Variants in AEBP2 observed in about 807,000 individuals in gnomAD.
The protein encoded by AEBP2 is zinc finger protein AEBP2.
In AEBP2, 10 loss-of-function variants were observed where a neutral mutation model predicts 50.8. The observed-to-expected ratio is 0.20, with a 90% confidence interval of 0.12 to 0.33. The LOEUF (loss-of-function observed/expected upper bound fraction) is 0.33, where lower values mean the gene tolerates loss of function less well. Among genes scored for constraint, AEBP2 ranks in the 10% least tolerant of loss-of-function variants. AEBP2 has a pLI of 1.00. For synonymous variants in AEBP2, 296 were observed against 261.3 expected (o/e 1.13, Z -1.28); for missense variants, 570 against 688.0 (o/e 0.83, Z 1.92).
intron 2 of AEBP2, among the ~76,000 whole-genome samples, chr12:19,467,585 T>A (rs1948500396): frequency 6.6e-6 from 1 of 152,148 alleles, no homozygotes; most frequent in South Asian, 2.1e-4. Flanking sequence ...TGAGCCACCG[T>A]GCCCGGCCTA....
chr12:19,441,070 CAG>C (rs1187128860), intron 1 of AEBP2, among the ~76,000 whole-genome samples: 3 of 152,078 alleles, frequency 2.0e-5, no homozygotes, highest in Non-Finnish European at 2.9e-5. Context: ...TTTGCGGAAT[CAG>C]AGAGTTGGAA....
intron 1 of AEBP2, among the ~76,000 whole-genome samples, chr12:19,405,889 C>T (rs534862985): frequency 6.6e-6 from 1 of 151,980 alleles, no homozygotes; most frequent in Non-Finnish European, 1.5e-5. Context: ...GCAACCTCCA[C>T]CTCCCGAGTT....
upstream of AEBP2, among the ~76,000 whole-genome samples, chr12:19,437,373 T>G (rs1947871792): frequency 6.6e-6 from 1 of 152,180 alleles, no homozygotes; most frequent in Admixed American, 6.6e-5. Flanking sequence ...ACCTGTCTTT[T>G]GTTGTAGAAG....
At chr12:19,499,857 A>T (rs1015975624) in intron 4 of AEBP2, among the ~76,000 whole-genome samples, 1 of 152,202 alleles carries the variant, frequency 6.6e-6, no homozygotes, top group Non-Finnish European at 1.5e-5. Flanking sequence ...ATGTGGAATC[A>T]TGAGGTTTGA....
intron 3 of AEBP2, among the ~76,000 whole-genome samples, chr12:19,482,380 A>T (rs930536230): frequency 1.3e-5 from 2 of 152,168 alleles, no homozygotes; most frequent in African/African-American, 2.4e-5. Context: ...GCTTTCTTGA[A>T]TACTGGTTAT....
intron 3 of AEBP2, among the ~76,000 whole-genome samples, chr12:19,486,690 GCTA>G (rs1469117885): frequency 2.0e-5 from 3 of 152,168 alleles, no homozygotes; most frequent in Admixed American, 6.6e-5. Flanking sequence ...ACCATCTTTG[GCTA>G]CTATTAACCA....
At chr12:19,430,376 T>C (rs1161185937) in intron 1 of AEBP2, among the ~76,000 whole-genome samples, 6 of 152,330 alleles carry the variant, frequency 3.9e-5, no homozygotes, top group South Asian at 2.1e-4. Context: ...TTGGTTACTG[T>C]AGTCTTGTAG....
chr12:19,432,598 G>A (rs2095752008), intron 1 of AEBP2, among the ~76,000 whole-genome samples: 2 of 152,176 alleles, frequency 1.3e-5, no homozygotes, highest in Non-Finnish European at 2.9e-5. Context: ...GGGGGCTGAT[G>A]TGGGAGGATG....
chr12:19,520,195 A>T lies in AEBP2; in HGVS notation c.*2078A>T, dbSNP rs1336416744. ...CAATGATTGTAGACCTTGCTTGAGTATTTTTTCTAATAAAACAAAGCAAAT... is the reference window on the plus strand; with the variant it reads ...CAATGATTGTAGACCTTGCTTGAGTTTTTTTTCTAATAAAACAAAGCAAAT... On this transcript the variant is annotated 3_prime_UTR_variant, in exon 8 of 8. Coordinates refer to ENST00000266508, the MANE Select transcript of AEBP2 (RefSeq NM_153207.5). The T allele has an allele frequency of 6.6e-6, 1 of 152,276 alleles. No individual in the cohort carries two copies. Among genetic ancestry groups the T allele is most frequent in the African/African-American group, 2.4e-5 (1 of 41,440 alleles). 9.4% of individuals were successfully genotyped at this position (152,276 alleles called of 1,614,324 possible).
intron 4 of AEBP2, among the ~76,000 whole-genome samples, chr12:19,498,186 T>C (rs1334734409): frequency 6.6e-6 from 1 of 152,220 alleles, no homozygotes; most frequent in African/African-American, 2.4e-5. Context: ...CAAGTGTTTA[T>C]TCTTAGGAAA....
At chr12:19,504,818 A>G (rs1949132958) in intron 5 of AEBP2, among the ~76,000 whole-genome samples, 1 of 152,230 alleles carries the variant, frequency 6.6e-6, no homozygotes. Context: ...AGCAATAGGT[A>G]TCAGTACATT....
chr12:19,439,900 C>G lies in AEBP2; in HGVS notation c.201C>G (p.Gly67=). 6.8e-7 allele frequency: 1 copy of G among 1,478,550 alleles called. No homozygotes were observed. The highest frequency in any genetic ancestry group is 8.9e-7 in the Non-Finnish European group (1 of 1,123,736). 91.6% of individuals were successfully genotyped at this position (1,478,550 alleles called of 1,614,324 possible). Residue 67 remains glycine (G), a synonymous_variant, in exon 1 of 8, where the codon GGC becomes GGG. Transcript: ENST00000266508. ...TGAACGGCGGCAGCGGTGGGGGCGG[C>G]GGAGGCGGCGGCGGAGGAGTGGGGG... The part of the protein sequence containing the change: ...LLLNGGSGGG[G]GGGGGGVGGG...
At chr12:19,457,601 T>C (rs1224374638) in intron 1 of AEBP2, 10 of 1,485,914 alleles carry the variant, frequency 6.7e-6, no homozygotes, top group Middle Eastern at 5.0e-4. Context: ...TGTACGAATC[T>C]ACGTGTCCAA....
At chr12:19,515,379 C>T (rs946767281) in intron 7 of AEBP2, among the ~76,000 whole-genome samples, 6 of 152,084 alleles carry the variant, frequency 3.9e-5, no homozygotes, top group African/African-American at 1.4e-4. Flanking sequence ...GTCATCCTCA[C>T]GGCTGCTCTG....
chr12:19,438,205 T>G (rs547662136), upstream of AEBP2, among the ~76,000 whole-genome samples: 1 of 152,310 alleles, frequency 6.6e-6, no homozygotes, highest in African/African-American at 2.4e-5. Flanking sequence ...AGTCAGGTGG[T>G]TTTCAGTTGC....
At chr12:19,508,032 A>G (rs1949177032) in intron 5 of AEBP2, among the ~76,000 whole-genome samples, 1 of 152,148 alleles carries the variant, frequency 6.6e-6, no homozygotes, top group Non-Finnish European at 1.5e-5. Context: ...GAGGTCAGCA[A>G]AATCCTAGTT....
intron 1 of AEBP2, among the ~76,000 whole-genome samples, chr12:19,459,391 C>T (rs1362180579): frequency 1.3e-5 from 2 of 152,028 alleles, no homozygotes; most frequent in Admixed American, 1.3e-4. Context: ...GCCACTATGC[C>T]TGGCTAATTT....
chr12:19,456,349 T>C, intron 1 of AEBP2: 1 of 1,398,712 alleles, frequency 7.1e-7, no homozygotes, highest in Non-Finnish European at 1.0e-6. Context: ...GTCTGTCTCA[T>C]ATCATGAACA....
At chr12:19,482,409 A>G (rs189364834) in intron 3 of AEBP2, among the ~76,000 whole-genome samples, 2 of 152,284 alleles carry the variant, frequency 1.3e-5, no homozygotes, top group Admixed American at 6.5e-5. Flanking sequence ...TGAACTTGTA[A>G]TGTGGACACA....
Sources: allele counts gnomAD v4.1 joint callset (sites outside exome capture counted in the v4.1 genomes callset), GRCh38; gene constraint gnomAD v4.1.1; transcripts MANE v1.5; gene names NCBI Gene and HGNC (gene_info 2026-07-23, HGNC 2026-07-21).